The following MAGI1 variants were observed in gnomAD, a reference collection of about 807,000 sequenced individuals.
The protein encoded by MAGI1 is membrane associated guanylate kinase, WW and PDZ domain containing 1.
A neutral mutation model predicts 139.9 loss-of-function variants in MAGI1; 58 were observed. The ratio of observed to expected loss-of-function variants is 0.41; its 90% CI spans 0.34 to 0.52. The LOEUF is 0.52. Among genes scored for constraint, MAGI1 ranks in the 20% least tolerant of loss-of-function variants. The pLI is 0.12. For synonymous variants in MAGI1, 812 were observed against 737.9 expected, an observed-to-expected ratio of 1.10 and a Z score of -1.63; for missense variants, 1,874 against 1,901.6, an observed-to-expected ratio of 0.99 and a Z score of 0.27.
intron 1 of MAGI1, among the ~76,000 whole-genome samples, chr3:65,670,929 C>G (rs2086817033): frequency 6.6e-6 from 1 of 152,180 alleles, no homozygotes; most frequent in Admixed American, 6.5e-5. Context: ...CTTTATGTAA[C>G]TTTCTCCTGT....
At chr3:65,532,584 A>G (rs1054382916) in intron 2 of MAGI1, among the ~76,000 whole-genome samples, 1 of 152,224 alleles carries the variant, frequency 6.6e-6, no homozygotes, top group Non-Finnish European at 1.5e-5. Context: ...TTTCTGGGTC[A>G]GACTGGCTAC....
intron 1 of MAGI1, among the ~76,000 whole-genome samples, chr3:65,736,993 T>A (rs530786063): frequency 6.6e-6 from 1 of 151,692 alleles, no homozygotes; most frequent in Admixed American, 6.6e-5. Flanking sequence ...CTGTCACACT[T>A]GCATCAAGAC....
At chr3:65,755,436 T>C (rs2036490521) in intron 1 of MAGI1, among the ~76,000 whole-genome samples, 1 of 152,116 alleles carries the variant, frequency 6.6e-6, no homozygotes, top group Non-Finnish European at 1.5e-5. Context: ...GAATATTCAC[T>C]CAAGCATGTG....
At chr3:65,489,733 A>G (rs1052177559) in intron 3 of MAGI1, among the ~76,000 whole-genome samples, 1 of 152,244 alleles carries the variant, frequency 6.6e-6, no homozygotes, top group African/African-American at 2.4e-5. Flanking sequence ...AACAGAGTGA[A>G]GTAAACGAGA....
intron 2 of MAGI1, among the ~76,000 whole-genome samples, chr3:65,500,412 G>A (rs1335942764): frequency 6.6e-6 from 1 of 152,148 alleles, no homozygotes; most frequent in Non-Finnish European, 1.5e-5. Context: ...AAGCTTGAGT[G>A]GCTATCTGCT....
intron 2 of MAGI1, among the ~76,000 whole-genome samples, chr3:65,609,262 A>ATCTC (rs780824422): frequency 1.3e-5 from 2 of 149,992 alleles, no homozygotes; most frequent in Non-Finnish European, 3.0e-5. Flanking sequence ...TTTCATCTCT[A>ATCTC]TCTCTCTCTC....
At chr3:65,672,015 T>C (rs1216527971) in intron 1 of MAGI1, among the ~76,000 whole-genome samples, 1 of 152,114 alleles carries the variant, frequency 6.6e-6, no homozygotes, top group Non-Finnish European at 1.5e-5. Context: ...ACACCTGAGG[T>C]AGGTAAAAAC....
At chr3:65,935,333 T>C (rs947243099) in intron 1 of MAGI1, among the ~76,000 whole-genome samples, 7 of 152,288 alleles carry the variant, frequency 4.6e-5, no homozygotes, top group South Asian at 2.1e-4. Context: ...GTTTTGTAGA[T>C]TGAATTCTCT....
chr3:65,627,073 C>G (rs2084007741), intron 1 of MAGI1, among the ~76,000 whole-genome samples: 1 of 152,204 alleles, frequency 6.6e-6, no homozygotes, highest in Non-Finnish European at 1.5e-5. Flanking sequence ...GCCATACTTA[C>G]CATGGGTCCA....
chr3:65,496,230 G>T (rs1019818948), intron 2 of MAGI1, among the ~76,000 whole-genome samples: 47 of 147,196 alleles, frequency 3.2e-4, no homozygotes, highest in African/African-American at 1.2e-3. Flanking sequence ...TTGTACAAAT[G>T]GGGGGTCTCA....
rs143180491 is a variant in MAGI1 at position 65,473,129 on chromosome 3, T to C, written c.758-2645A>G. Among the ~76,000 whole-genome samples the C allele has an allele frequency of 4.6e-5, 7 of 152,286 alleles. No individual in the cohort carries two copies. In the East Asian group the frequency reaches 9.7e-4, roughly 21 times the overall value. On this transcript the variant is annotated intron_variant, in intron 4 of 22. Transcript: ENST00000402939. ...GTGTCTAGCACATAGTGAGCCATAGTAGGTAGTTGCCAGCAGCAAAAGTAC... is the reference window on the plus strand; with the variant it reads ...GTGTCTAGCACATAGTGAGCCATAGCAGGTAGTTGCCAGCAGCAAAAGTAC...
chr3:66,012,875 A>G (rs951293363), intron 1 of MAGI1, among the ~76,000 whole-genome samples: 2 of 151,928 alleles, frequency 1.3e-5, no homozygotes, highest in Non-Finnish European at 2.9e-5. Flanking sequence ...AATCACTGCT[A>G]TTTTTTAACT....
At chr3:65,731,277 C>G (rs575527452) in intron 1 of MAGI1, among the ~76,000 whole-genome samples, 1 of 152,052 alleles carries the variant, frequency 6.6e-6, no homozygotes, top group Admixed American at 6.6e-5. Context: ...AAGGAATTTT[C>G]GTGCTATGGC....
At chr3:65,862,185 A>G (rs538265526) in intron 1 of MAGI1, among the ~76,000 whole-genome samples, 1 of 152,364 alleles carries the variant, frequency 6.6e-6, no homozygotes, top group Admixed American at 6.5e-5. Context: ...TTAAGAGCTC[A>G]CGCGCTGGAC....
intron 1 of MAGI1, among the ~76,000 whole-genome samples, chr3:65,905,920 A>G (rs2108644721): frequency 1.3e-5 from 2 of 152,356 alleles, no homozygotes; most frequent in Non-Finnish European, 2.9e-5. Flanking sequence ...CTTTCCGGAT[A>G]TAAGAAAGAG....
rs145136614 is a variant in MAGI1 at position 65,590,288 on chromosome 3, A to G, written c.430+31684T>C. On this transcript the variant is annotated intron_variant, in intron 2 of 22. Transcript: ENST00000402939. ...CCAATTCCCCTGTGAGGGTAAAGCT[A>G]TTTTGTACATCTTTGTATCTTTAAC... Among the ~76,000 whole-genome samples, 26 of 152,260 alleles carry G rather than the reference A, an allele frequency of 1.7e-4. No individual in the cohort carries two copies. In the East Asian group the frequency reaches 4.8e-3, roughly 28 times the overall value.
At chr3:66,035,069 T>C (rs1468896721) in intron 1 of MAGI1, among the ~76,000 whole-genome samples, 3 of 152,188 alleles carry the variant, frequency 2.0e-5, no homozygotes, top group African/African-American at 4.8e-5. Flanking sequence ...TGAATACACA[T>C]AATTATATAT....
chr3:65,639,625 T>C (rs995780340), intron 1 of MAGI1, among the ~76,000 whole-genome samples: 1 of 152,178 alleles, frequency 6.6e-6, no homozygotes, highest in African/African-American at 2.4e-5. Context: ...GTAAGCCAGA[T>C]TGCCCTCCTT....
chr3:65,918,939 AAAAC>A (rs1004512155), intron 1 of MAGI1, among the ~76,000 whole-genome samples: 12 of 152,292 alleles, frequency 7.9e-5, no homozygotes, highest in South Asian at 2.1e-4. Flanking sequence ...TTTCAAAAAA[AAAAC>A]AAACAAACAA....
Sources: allele counts gnomAD v4.1 joint callset (sites outside exome capture counted in the v4.1 genomes callset), GRCh38; gene constraint gnomAD v4.1.1; transcripts MANE v1.5; gene names NCBI Gene and HGNC (gene_info 2026-07-23, HGNC 2026-07-21).